TRPM7: variants seen among roughly 807,000 people sequenced by gnomAD.
TRPM7 encodes LTRPC ion channel family member 7.
TRPM7 carries 134 observed loss-of-function variants against 229.7 expected under a neutral mutation model. The ratio of observed to expected loss-of-function variants is 0.58; its 90% CI spans 0.51 to 0.67. The LOEUF (loss-of-function observed/expected upper bound fraction) is 0.67, where lower values mean the gene tolerates loss of function less well. Among genes scored for constraint, TRPM7 ranks in the 30% least tolerant of loss-of-function variants. TRPM7 has a pLI of 0.00. For missense variants in TRPM7, 1,901 were observed against 2,210.0 expected, an observed-to-expected ratio of 0.86 and a Z score of 2.80; for synonymous variants, 699 against 715.2, an observed-to-expected ratio of 0.98 and a Z score of 0.36.
At chr15:50,660,886 A>G (rs2061704207) in intron 2 of TRPM7, among the ~76,000 whole-genome samples, 1 of 152,234 alleles carries the variant, frequency 6.6e-6, no homozygotes, top group Non-Finnish European at 1.5e-5. Flanking sequence ...TAAATTTTAA[A>G]TGGCTAAAAA....
chr15:50,679,565 T>C (rs1002301481), intron 1 of TRPM7, among the ~76,000 whole-genome samples: 2 of 135,946 alleles, frequency 1.5e-5, no homozygotes, highest in African/African-American at 2.9e-5. Context: ...AGACAGAGTC[T>C]TGTTTTGTCA....
chr15:50,679,538 A>ATATATATATATATTTT, intron 1 of TRPM7, among the ~76,000 whole-genome samples: 1 of 43,904 alleles, frequency 2.3e-5, no homozygotes, highest in African/African-American at 1.1e-4. Flanking sequence ...ATATATATAT[A>ATATATATATATATTTT]TTTTTTTTTT....
chr15:50,565,019 AGTCTCACTCT>A (rs927175082), intron 38 of TRPM7, among the ~76,000 whole-genome samples: 15 of 151,430 alleles, frequency 9.9e-5, no homozygotes, highest in African/African-American at 3.4e-4. Flanking sequence ...TTTGAGATGG[AGTCTCACTCT>A]GTCTCACAGT....
At position 50,648,695 on chromosome 15, in the gene TRPM7, T is replaced by C. The variant is rs754752767; in HGVS notation, c.313A>G (p.Arg105Gly). The C allele has an allele frequency of 6.2e-7, 1 of 1,606,956 alleles. No individual in the cohort carries two copies. Among genetic ancestry groups the C allele is most frequent in the South Asian group, 1.1e-5 (1 of 89,762 alleles). The change falls in exon 4 of 39, where the codon AGA becomes GGA. Residue 105 changes from arginine to glycine, a missense_variant. By Grantham distance (125) the Arg-to-Gly change is moderately radical (BLOSUM62 -2). Coordinates refer to ENST00000646667, the MANE Select transcript of TRPM7 (RefSeq NM_017672.6). ...INFQGGSHSYRAKYVRLSYDT... is the reference protein window; with the variant it reads ...INFQGGSHSYGAKYVRLSYDT... ...TCCAATATGTGACATACCTTAGCTC[T>C]GTAGGAATGAGAACCCCCTTGAAAA...
intron 31 of TRPM7, among the ~76,000 whole-genome samples, chr15:50,578,239 C>T (rs1473905474): frequency 6.6e-6 from 1 of 152,122 alleles, no homozygotes. Flanking sequence ...CTGAAAGCAG[C>T]AGTGGGATGT....
At chr15:50,643,917 G>C (rs2061184618) in intron 4 of TRPM7, among the ~76,000 whole-genome samples, 1 of 147,738 alleles carries the variant, frequency 6.8e-6, no homozygotes, top group Admixed American at 7.2e-5. Context: ...TGGCTGAAGA[G>C]GATCGGAAAA....
At chr15:50,653,411 T>G (rs942261951) in intron 3 of TRPM7, among the ~76,000 whole-genome samples, 1 of 152,198 alleles carries the variant, frequency 6.6e-6, no homozygotes, top group Non-Finnish European at 1.5e-5. Context: ...TTATCAAGAG[T>G]ACCACTACAT....
chr15:50,637,201 A>G (rs1368295616), intron 7 of TRPM7, among the ~76,000 whole-genome samples: 1 of 151,994 alleles, frequency 6.6e-6, no homozygotes, highest in African/African-American at 2.4e-5. Flanking sequence ...AGAGCTTCCA[A>G]TGAACCTTTT....
intron 3 of TRPM7, among the ~76,000 whole-genome samples, chr15:50,656,649 GTTT>G (rs1203194603): frequency 1.3e-5 from 2 of 151,632 alleles, no homozygotes; most frequent in African/African-American, 4.8e-5. Context: ...CAGGTTTTTT[GTTT>G]TTGTTTTTAC....
chr15:50,663,071 T>A, intron 1 of TRPM7, 25 bp from the exon 2 acceptor site: 1 of 1,555,348 alleles, frequency 6.4e-7, no homozygotes, highest in Non-Finnish European at 8.8e-7. Context: ...TTTAAAGAAT[T>A]GTTTATAAGT....
At position 50,662,979 on chromosome 15, in the gene TRPM7, T is replaced by A; in HGVS notation, c.71A>T (p.Lys24Met). Reference sequence around the variant, plus strand: ...AAGGTGTGCTTACCTGTGAGGGTCCTTGGAACTTGGTATAATATATACACA... The same window carrying A: ...AAGGTGTGCTTACCTGTGAGGGTCCATGGAACTTGGTATAATATATACACA... ...RECVYIIPSS[K>M]DPHRCLPGCQ... The change falls in exon 2 of 39, where the codon AAG becomes ATG. Residue 24 changes from lysine to methionine, a missense_variant. Around this residue, in one of 8 missense-constraint regions of TRPM7, gnomAD observed 794 missense variants for 881.9 expected, o/e 0.90. Transcript: ENST00000646667. The A allele has an allele frequency of 6.2e-7, 1 of 1,613,072 alleles. No individual in the cohort carries two copies. The highest frequency in any genetic ancestry group is 2.2e-5 in the East Asian group (1 of 44,850).
chr15:50,645,839 G>C (rs144061094), intron 4 of TRPM7, among the ~76,000 whole-genome samples: 60 of 152,212 alleles, frequency 3.9e-4, no homozygotes, highest in African/African-American at 1.4e-3. Flanking sequence ...CTAGAAAAAA[G>C]AACAATAACA....
intron 33 of TRPM7, 63 bp downstream of exon 33, chr15:50,575,661 T>G: frequency 7.1e-7 from 1 of 1,398,842 alleles, no homozygotes; most frequent in Non-Finnish European, 9.9e-7. Flanking sequence ...CATTCTATAT[T>G]ATAGCTAAAA....
chr15:50,561,875 T>C (rs1289071412), intron 38 of TRPM7, 67 bp from the exon 39 acceptor site: 2 of 1,409,956 alleles, frequency 1.4e-6, no homozygotes, highest in Admixed American at 2.7e-5. Context: ...TAGTATTTCT[T>C]AGAAATGGAG....
rs1232277549 is a variant in TRPM7 at position 50,592,268 on chromosome 15, T to C, written c.3967A>G (p.Lys1323Glu). The change falls in exon 26 of 39, where the codon AAA becomes GAA. Residue 1323 changes from lysine to glutamate, a missense_variant. Coordinates refer to ENST00000646667, the MANE Select transcript of TRPM7 (RefSeq NM_017672.6). The stretch of plus-strand genomic sequence containing the variant: ...CCAAATATATTACACTGGGGATCTT[T>C]GTCATCTTTCATTAAAATATTACAA... The part of the protein sequence containing the change: ...FHCNILMKDD[K>E]DPQCNIFGQD... The C allele has an allele frequency of 1.9e-6, 3 of 1,613,844 alleles. No homozygotes were observed. In the African/African-American group the frequency reaches 4.0e-5, roughly 22 times the overall value.
intron 12 of TRPM7, among the ~76,000 whole-genome samples, chr15:50,620,755 A>AC (rs1267750887): frequency 1.3e-5 from 2 of 151,986 alleles, no homozygotes; most frequent in African/African-American, 4.8e-5. Flanking sequence ...ACACGCAGAA[A>AC]CCCCGTCTCT....
rs1357841380 is a variant in TRPM7 at position 50,599,257 on chromosome 15, C to G, written c.3028G>C (p.Val1010Leu). The G allele has an allele frequency of 5.0e-6, 8 of 1,613,064 alleles. No individual in the cohort carries two copies. Among genetic ancestry groups the G allele is most frequent in the Non-Finnish European group, 6.8e-6 (8 of 1,179,488 alleles). ...MFYIVVIMAL[V>L]LLSFGVPRKA... ...CTGGGAACACCAAAACTAAGTAATA[C>G]AAGAGCCATAATCACTACAATGTAG... Residue 1010 changes from valine to leucine, a missense_variant, in exon 22 of 39, where the codon GTA becomes CTA. Val to Leu is a conservative substitution (Grantham distance 32, BLOSUM62 1). Around this residue, in one of 8 missense-constraint regions of TRPM7, gnomAD observed 89 missense variants for 178.2 expected, o/e 0.50. Coordinates refer to ENST00000646667, the MANE Select transcript of TRPM7 (RefSeq NM_017672.6).
intron 3 of TRPM7, among the ~76,000 whole-genome samples, chr15:50,651,478 T>C (rs975488397): frequency 1.9e-4 from 29 of 151,426 alleles, no homozygotes; most frequent in African/African-American, 7.1e-4. Context: ...ACCCCGTCTG[T>C]AATAAAAATA....
At chr15:50,653,112 C>G (rs2061469413) in intron 3 of TRPM7, among the ~76,000 whole-genome samples, 1 of 152,182 alleles carries the variant, frequency 6.6e-6, no homozygotes, top group Non-Finnish European at 1.5e-5. Context: ...ACACTGCACT[C>G]CAGTCTGGGC....
Sources: allele counts gnomAD v4.1 joint callset (sites outside exome capture counted in the v4.1 genomes callset), GRCh38; gene constraint gnomAD v4.1.1; regional missense constraint gnomAD v4.1.1; transcripts MANE v1.5; gene names NCBI Gene and HGNC (gene_info 2026-07-23, HGNC 2026-07-21).